NSF: variants seen among roughly 807,000 people sequenced by gnomAD.
NSF encodes the protein vesicle-fusing ATPase.
A neutral mutation model predicts 50.3 loss-of-function variants in NSF; 14 were observed. The observed-to-expected ratio is 0.28, with a 90% CI of 0.18 to 0.44. The LOEUF (loss-of-function observed/expected upper bound fraction) is 0.44, where lower values mean the gene tolerates loss of function less well. Ranked by LOEUF, NSF falls within the 20% of genes least tolerant of loss-of-function variation. NSF has a pLI of 1.00. For missense variants in NSF, 218 were observed against 504.3 expected (o/e 0.43, Z 5.44); for synonymous variants, 109 against 175.7 (o/e 0.62, Z 3.00).
intron 15 of NSF, among the ~76,000 whole-genome samples, chr17:46,720,295 A>G (rs1598712840): frequency 6.6e-6 from 1 of 152,158 alleles, no homozygotes; most frequent in African/African-American, 2.4e-5. Flanking sequence ...GTTTTGTTCA[A>G]TACACTGTGT....
At chr17:46,745,742 G>T (rs995983383) in intron 17 of NSF, among the ~76,000 whole-genome samples, 1 of 152,160 alleles carries the variant, frequency 6.6e-6, no homozygotes, top group Admixed American at 6.5e-5. Flanking sequence ...CAGCATGTGT[G>T]GCCTTTGGCA....
At chr17:46,721,656 C>A (rs1157220647) in intron 15 of NSF, 8 of 1,601,808 alleles carry the variant, frequency 5.0e-6, no homozygotes, top group Non-Finnish European at 8.5e-7. Context: ...GAAAAAGTTT[C>A]AACCTTGTGT....
chr17:46,678,511 A>G (rs2058423341), intron 9 of NSF, among the ~76,000 whole-genome samples: 1 of 150,648 alleles, frequency 6.6e-6, no homozygotes, highest in African/African-American at 2.5e-5. Flanking sequence ...GAGAGAGAGA[A>G]TACCGTTTAA....
chr17:46,657,334 C>G (rs1432009461), intron 8 of NSF, among the ~76,000 whole-genome samples: 6 of 150,404 alleles, frequency 4.0e-5, no homozygotes, highest in Non-Finnish European at 5.9e-5. Context: ...AGCAGGTACT[C>G]TGGAAGAGAA....
chr17:46,737,603 G>T (rs1472506676), intron 17 of NSF, among the ~76,000 whole-genome samples: 1 of 140,874 alleles, frequency 7.1e-6, no homozygotes, highest in African/African-American at 2.6e-5. Context: ...GTGTGTGTGT[G>T]TTTTCTGATC....
intron 14 of NSF, among the ~76,000 whole-genome samples, chr17:46,712,436 A>G (rs1446991930): frequency 6.6e-6 from 1 of 152,218 alleles, no homozygotes; most frequent in African/African-American, 2.4e-5. Context: ...AGAGGTATCA[A>G]ACATGACCCC....
intron 17 of NSF, among the ~76,000 whole-genome samples, chr17:46,730,274 TTTC>T (rs1302763476): frequency 6.6e-6 from 1 of 152,178 alleles, no homozygotes; most frequent in Non-Finnish European, 1.5e-5. Flanking sequence ...TGTGAGACTT[TTTC>T]TAGGCATTTA....
chr17:46,743,406 C>A (rs1447406318), intron 17 of NSF, among the ~76,000 whole-genome samples: 5 of 152,188 alleles, frequency 3.3e-5, no homozygotes, highest in Non-Finnish European at 7.3e-5. Context: ...ATGACAGAGA[C>A]CCCGCCTCAG....
At chr17:46,697,145 A>G (rs1369434256) in intron 12 of NSF, among the ~76,000 whole-genome samples, 1 of 147,510 alleles carries the variant, frequency 6.8e-6, no homozygotes, top group African/African-American at 2.6e-5. Flanking sequence ...TATTCACCTC[A>G]GAGTCTCCCA....
intron 17 of NSF, among the ~76,000 whole-genome samples, chr17:46,742,748 G>C (rs962687417): frequency 2.6e-5 from 4 of 152,138 alleles, no homozygotes; most frequent in African/African-American, 9.7e-5. Flanking sequence ...GCTGAGTACT[G>C]CAAGGGCGCA....
chr17:46,733,788 A>T (rs1358547136), intron 17 of NSF, among the ~76,000 whole-genome samples: 1 of 152,046 alleles, frequency 6.6e-6, no homozygotes, highest in African/African-American at 2.4e-5. Flanking sequence ...AAGAATTACC[A>T]CTCCAACGTC....
chr17:46,736,666 G>A (rs2059008757), intron 17 of NSF, among the ~76,000 whole-genome samples: 1 of 152,158 alleles, frequency 6.6e-6, no homozygotes, highest in Non-Finnish European at 1.5e-5. Context: ...CAGTATAACT[G>A]TCAAAAATTC....
At chr17:46,745,884 C>T (rs1356434583) in intron 17 of NSF, among the ~76,000 whole-genome samples, 1 of 152,202 alleles carries the variant, frequency 6.6e-6, no homozygotes, top group Non-Finnish European at 1.5e-5. Flanking sequence ...ATTACCTCAA[C>T]ACCCAGCTTT....
At chr17:46,717,483 TG>T (rs1568043289) in intron 15 of NSF, among the ~76,000 whole-genome samples, 1 of 152,020 alleles carries the variant, frequency 6.6e-6, no homozygotes, top group African/African-American at 2.4e-5. Flanking sequence ...GAGGCTGAGG[TG>T]GGGGGATCAT....
At chr17:46,737,719 C>T (rs1321052469) in intron 17 of NSF, among the ~76,000 whole-genome samples, 4 of 151,762 alleles carry the variant, frequency 2.6e-5, no homozygotes, top group African/African-American at 7.3e-5. Context: ...TCCAGTGGAA[C>T]ATAAAGGAAA....
At chr17:46,747,594 A>G (rs2059143514) in intron 17 of NSF, among the ~76,000 whole-genome samples, 1 of 152,208 alleles carries the variant, frequency 6.6e-6, no homozygotes, top group Non-Finnish European at 1.5e-5. Flanking sequence ...AAAACAAGAT[A>G]TTGTATTTTA....
chr17:46,722,110 C>T (rs1383683940), intron 15 of NSF: 8 of 1,611,392 alleles, frequency 5.0e-6, no homozygotes, highest in Middle Eastern at 2.2e-4. Flanking sequence ...TGGCCGGACT[C>T]GAACTCGTCC....
chr17:46,753,015 C>T (rs769944200), intron 19 of NSF, among the ~76,000 whole-genome samples: 14 of 152,228 alleles, frequency 9.2e-5, no homozygotes, highest in Non-Finnish European at 1.8e-4. Flanking sequence ...GTGATCTGCC[C>T]GCCTCGGCCT....
chr17:46,725,248 C>A (rs1297527111), intron 15 of NSF, among the ~76,000 whole-genome samples: 1 of 152,164 alleles, frequency 6.6e-6, no homozygotes, highest in Non-Finnish European at 1.5e-5. Context: ...TTACTGAATT[C>A]TGTTCTGTGC....
Sources: allele counts gnomAD v4.1 joint callset (sites outside exome capture counted in the v4.1 genomes callset), GRCh38; gene constraint gnomAD v4.1.1; transcripts MANE v1.5; gene names NCBI Gene and HGNC (gene_info 2026-07-23, HGNC 2026-07-21).